DNAJC10: variants seen among roughly 807,000 people sequenced by gnomAD.
DNAJC10 encodes the protein DnaJ heat shock protein family (Hsp40) member C10.
In DNAJC10, 101 loss-of-function variants were observed where a neutral mutation model predicts 115.0. The ratio of observed to expected loss-of-function variants is 0.88; its 90% CI spans 0.75 to 1.04. DNAJC10 has a LOEUF of 1.04. Among genes scored for constraint, DNAJC10 ranks in the 50% least tolerant of loss-of-function variants. The pLI is 0.00. For missense variants in DNAJC10, 981 were observed against 928.8 expected, an observed-to-expected ratio of 1.06 and a Z score of -0.73; for synonymous variants, 307 against 301.5, an observed-to-expected ratio of 1.02 and a Z score of -0.19.
Position 182,740,314 on chromosome 2 carries a change from G to A in DNAJC10, c.1003G>A (p.Asp335Asn). ...KNSILFLNSL[D>N]AKEIYLEVIH... ...CTTTTTCTAGTTTCTCAACTCATTGGATGCTAAAGAAATATATTTGGAAGT... is the reference window on the plus strand; with the variant it reads ...CTTTTTCTAGTTTCTCAACTCATTGAATGCTAAAGAAATATATTTGGAAGT... The change falls in exon 12 of 24, where the codon GAT (aspartate) becomes AAT (asparagine). Residue 335 changes from aspartate (D) to asparagine (N), a missense_variant. Physicochemically the swap from Asp to Asn is conservative, Grantham distance 23. Coordinates refer to ENST00000264065, the MANE Select transcript of DNAJC10 (RefSeq NM_018981.4). 1 of 1,491,018 alleles carries A rather than the reference G, an allele frequency of 6.7e-7. No individual in the cohort carries two copies. Among genetic ancestry groups the A allele is most frequent in the East Asian group, 2.4e-5 (1 of 40,938 alleles). The allele number at this position is 1,491,018 out of a possible 1,614,324, so 92.4% of individuals were successfully genotyped here.
Position 182,741,306 on chromosome 2 carries a change from G to A in DNAJC10, c.1141G>A (p.Asp381Asn). Residue 381 changes from aspartate to asparagine, a missense_variant, in exon 13 of 24, where the codon GAT becomes AAT. Physicochemically the swap from Asp to Asn is conservative, Grantham distance 23. Coordinates refer to ENST00000264065, the MANE Select transcript of DNAJC10 (RefSeq NM_018981.4). Reference sequence around the variant, plus strand: ...TTTTGGAAAAAATGAAAATTCAAATGATCCTGAGCTGAAAAAACTAAAAAC... The same window carrying A: ...TTTTGGAAAAAATGAAAATTCAAATAATCCTGAGCTGAAAAAACTAAAAAC... ...FHFGKNENSN[D>N]PELKKLKTLL... 2 of 1,602,238 alleles carry A rather than the reference G, an allele frequency of 1.2e-6. No homozygotes were observed. Among genetic ancestry groups the A allele is most frequent in the Non-Finnish European group, 1.7e-6 (2 of 1,176,078 alleles).
chr2:182,733,147 A>G (rs1693494461), intron 10 of DNAJC10, among the ~76,000 whole-genome samples: 1 of 151,926 alleles, frequency 6.6e-6, no homozygotes, highest in African/African-American at 2.4e-5. Flanking sequence ...ATGTATTAAA[A>G]TCTCTACCAT....
intron 22 of DNAJC10, among the ~76,000 whole-genome samples, chr2:182,770,337 T>C (rs932399853): frequency 2.0e-5 from 3 of 152,234 alleles, no homozygotes; most frequent in African/African-American, 7.2e-5. Flanking sequence ...AGTAGTTTTT[T>C]TCAATTCTGT....
chr2:182,780,811 C>CATCA lies in DNAJC10; in HGVS notation c.*3680_*3683dup, dbSNP rs907173746. The CATCA allele has an allele frequency of 3.9e-5, 6 of 152,138 alleles. No individual in the cohort carries two copies. The highest frequency in any genetic ancestry group is 5.9e-5 in the Non-Finnish European group (4 of 68,012). The allele number at this position is 152,138 out of a possible 1,614,324, so 9.4% of individuals were successfully genotyped here. On this transcript the variant is annotated 3_prime_UTR_variant, in exon 24 of 24. Transcript: ENST00000264065. ...AAAGTCTCAACGCCAAACTGGTCTACATCAGTATGGACTCCAGAAATGCAT... is the reference window on the plus strand; with the variant it reads ...AAAGTCTCAACGCCAAACTGGTCTACATCAATCAGTATGGACTCCAGAAATGCAT...
Position 182,780,464 on chromosome 2 carries a change from G to A in DNAJC10, c.*3332G>A, listed in dbSNP as rs1247477430. On this transcript the variant is annotated 3_prime_UTR_variant, in exon 24 of 24. Transcript: ENST00000264065. ...TCCCTGAGACCTCACCAGAAGCTGA[G>A]CAGATGCTGGTGCCATGTTTTTACA... 6 of 152,232 alleles carry A rather than the reference G, an allele frequency of 3.9e-5. No individual in the cohort carries two copies. Among genetic ancestry groups the A allele is most frequent in the Non-Finnish European group, 7.3e-5 (5 of 68,076 alleles). The allele number at this position is 152,232 out of a possible 1,614,324, so 9.4% of individuals were successfully genotyped here.
At chr2:182,722,409 T>C (rs1284185096) in intron 5 of DNAJC10, among the ~76,000 whole-genome samples, 1 of 152,180 alleles carries the variant, frequency 6.6e-6, no homozygotes, top group Non-Finnish European at 1.5e-5. Context: ...GATAAAGGTA[T>C]AGTTATTTTG....
At chr2:182,745,699 T>A (rs1574937078) in intron 14 of DNAJC10, among the ~76,000 whole-genome samples, 1 of 152,060 alleles carries the variant, frequency 6.6e-6, no homozygotes, top group Non-Finnish European at 1.5e-5. Context: ...TTTATTTTTT[T>A]TTTTTATGGA....
At position 182,777,127 on chromosome 2, in the gene DNAJC10, C is replaced by A; in HGVS notation, c.2377C>A (p.Leu793Ile). 1.4e-6 allele frequency: 2 copies of A among 1,410,528 alleles called. No homozygotes were observed. Among genetic ancestry groups the A allele is most frequent in the Admixed American group, 2.2e-5 (1 of 45,202 alleles). 87.4% of individuals were successfully genotyped at this position (1,410,528 alleles called of 1,614,324 possible). A position where few individuals can be genotyped will look rare whatever the true frequency, so the allele number is the denominator to read the frequency against. The change falls in exon 24 of 24, where the codon CTT becomes ATT. Residue 793 changes from leucine (L) to isoleucine (I), a missense_variant. Physicochemically the swap from Leu to Ile is conservative, Grantham distance 5. Coordinates refer to ENST00000264065, the MANE Select transcript of DNAJC10 (RefSeq NM_018981.4). The stretch of plus-strand genomic sequence containing the variant: ...CTTTACATTATTATTATAGGATGAA[C>A]TTTGATAATGTTGAAGATGAAGAAA... ...RNQGKRNKDE[L>I] is the part of the protein sequence containing the mutation.
chr2:182,716,790 C>T (rs987822395), intron 1 of DNAJC10, among the ~76,000 whole-genome samples: 1 of 152,204 alleles, frequency 6.6e-6, no homozygotes, highest in Admixed American at 6.5e-5. Flanking sequence ...CTCTCCCACT[C>T]TGCAGTGATG....
At chr2:182,738,666 G>A (rs1000524382) in intron 11 of DNAJC10, among the ~76,000 whole-genome samples, 6 of 151,604 alleles carry the variant, frequency 4.0e-5, no homozygotes, top group Admixed American at 2.6e-4. Context: ...TCAGCCTCCC[G>A]AGTAGCTGGG....
At chr2:182,729,820 A>T (rs1360442345) in intron 7 of DNAJC10, 28 bp from the exon 8 acceptor site, 1 of 1,426,712 alleles carries the variant, frequency 7.0e-7, no homozygotes, top group Non-Finnish European at 9.6e-7. Flanking sequence ...AAAGTAAAAG[A>T]TGTTTCTCTT....
Position 182,779,325 on chromosome 2 carries a change from A to AATG in DNAJC10, c.*2194_*2196dup, listed in dbSNP as rs1266665309. On this transcript the variant is annotated 3_prime_UTR_variant, in exon 24 of 24. Coordinates refer to ENST00000264065, the MANE Select transcript of DNAJC10 (RefSeq NM_018981.4). ...AGCACCTCTAAGGAGTACCAGGTAT[A>AATG]ATGTGCCATTTCTCTCAGCAACACC... 1 of 152,216 alleles carries AATG rather than the reference A, an allele frequency of 6.6e-6. No homozygotes were observed. The highest frequency in any genetic ancestry group is 1.5e-5 in the Non-Finnish European group (1 of 68,046). 9.4% of individuals were successfully genotyped at this position (152,216 alleles called of 1,614,324 possible).
rs1447896440 is a variant in DNAJC10, at chr2:182,785,514, GA to G, written c.*8388del. On this transcript the variant is annotated 3_prime_UTR_variant, in exon 24 of 24. Transcript: ENST00000264065. ...TCCTAATTAACTCGTTTGTTAAGTG[GA>G]AAAAATATTTCAGTAGGTAGTCATA... 1 of 151,940 alleles carries G rather than the reference GA, an allele frequency of 6.6e-6. No individual in the cohort carries two copies. Among genetic ancestry groups the G allele is most frequent in the Non-Finnish European group, 1.5e-5 (1 of 67,982 alleles). The allele number at this position is 151,940 out of a possible 1,614,324, so 9.4% of individuals were successfully genotyped here. A position where few individuals can be genotyped will look rare whatever the true frequency, so the allele number is the denominator to read the frequency against.
rs958717172 is a variant in DNAJC10, at chr2:182,788,003, T to G, written c.*10871T>G. On this transcript the variant is annotated 3_prime_UTR_variant, in exon 24 of 24. Transcript: ENST00000264065. ...GCTCACATAGAAAAATTAAGGCATA[T>G]TATTTTACTGTACTCTCAGAAAGAT... 6.6e-6 allele frequency: 1 copy of G among 152,132 alleles called. No individual in the cohort carries two copies. Among genetic ancestry groups the G allele is most frequent in the Non-Finnish European group, 1.5e-5 (1 of 68,020 alleles). 9.4% of individuals were successfully genotyped at this position (152,132 alleles called of 1,614,324 possible).
intron 13 of DNAJC10, 39 bp from the exon 14 acceptor site, chr2:182,743,559 G>T (rs989552796): frequency 2.1e-6 from 3 of 1,397,422 alleles, no homozygotes; most frequent in Non-Finnish European, 3.0e-6. Flanking sequence ...AAATGGGTAA[G>T]ACAGTGTTTT....
At position 182,736,247 on chromosome 2, in the gene DNAJC10, A is replaced by C; in HGVS notation, c.850-2A>C. 6.4e-7 allele frequency: 1 copy of C among 1,556,090 alleles called. No individual in the cohort carries two copies. Among genetic ancestry groups the C allele is most frequent in the South Asian group, 1.3e-5 (1 of 78,840 alleles). On this transcript the variant is annotated splice_acceptor_variant, in intron 10 of 23. Transcript: ENST00000264065. LOFTEE classifies it high-confidence loss of function. ...ATGGTTTGTTGTTTCTTTCCATTTT[A>C]GGATGGTCTTGTTAATGTAGGATGG... is the stretch of plus-strand genomic sequence containing the variant.
intron 13 of DNAJC10, 57 bp downstream of exon 13, chr2:182,741,413 T>A: frequency 1.3e-6 from 1 of 781,256 alleles, no homozygotes; most frequent in East Asian, 3.1e-5. Flanking sequence ...GTTAATTTAA[T>A]GCATATAATT....
chr2:182,756,362 G>A lies in DNAJC10; in HGVS notation c.1702G>A (p.Glu568Lys), dbSNP rs1025974432. 16 of 1,613,672 alleles carry A rather than the reference G, an allele frequency of 9.9e-6. No individual in the cohort carries two copies. Among genetic ancestry groups the A allele is most frequent in the African/African-American group, 1.3e-5 (1 of 74,836 alleles). The change falls in exon 18 of 24, where the codon GAA (glutamate) becomes AAA (lysine). Residue 568 changes from glutamate to lysine, a missense_variant. Coordinates refer to ENST00000264065, the MANE Select transcript of DNAJC10 (RefSeq NM_018981.4). ...CTCCCTTACACCCACCACCTTCAACGAACTAGTTACACAAAGAAAACACAA... is the reference window on the plus strand; with the variant it reads ...CTCCCTTACACCCACCACCTTCAACAAACTAGTTACACAAAGAAAACACAA... ...VVSLTPTTFN[E>K]LVTQRKHNEV...
chr2:182,733,499 G>A (rs1693503505), intron 10 of DNAJC10, among the ~76,000 whole-genome samples: 1 of 151,638 alleles, frequency 6.6e-6, no homozygotes, highest in Admixed American at 6.6e-5. Context: ...TGAGGACTGA[G>A]CATTAGTATC....
Sources: allele counts gnomAD v4.1 joint callset (sites outside exome capture counted in the v4.1 genomes callset), GRCh38; gene constraint gnomAD v4.1.1; transcripts MANE v1.5; gene names NCBI Gene and HGNC (gene_info 2026-07-23, HGNC 2026-07-21).